Variants in LEPR observed in about 807,000 individuals in gnomAD.
LEPR encodes the protein leptin receptor.
Under a neutral mutation model 114.7 loss-of-function variants are expected in LEPR, and 56 were observed. The ratio of observed to expected loss-of-function variants is 0.49; its 90% confidence interval spans 0.39 to 0.61. The LOEUF is 0.61. Among genes scored for constraint, LEPR ranks in the 20% least tolerant of loss-of-function variants. The pLI is 0.00. For missense variants in LEPR, 1,202 were observed against 1,352.9 expected (o/e 0.89, Z 1.75); for synonymous variants, 443 against 461.4 (o/e 0.96, Z 0.51).
chr1:65,436,797 T>G (rs1279591920), intron 2 of LEPR, among the ~76,000 whole-genome samples: 1 of 152,104 alleles, frequency 6.6e-6, no homozygotes, highest in African/African-American at 2.4e-5. Flanking sequence ...AGATATTAAC[T>G]TAAGTGTGTG....
rs759503305 is a variant in LEPR, at chr1:65,596,466, T to C, written c.722T>C (p.Leu241Ser). Residue 241 changes from leucine (L) to serine (S), a missense_variant, in exon 7 of 20, where the codon TTA (leucine) becomes TCA (serine). Coordinates refer to ENST00000349533, the MANE Select transcript of LEPR (RefSeq NM_002303.6). ...CCTTAAGTGAAGCCTGATCCACCAT[T>C]AGGTTTGCATATGGAAATCACAGAT... is the stretch of plus-strand genomic sequence containing the variant. ...PINMVKPDPP[L>S]GLHMEITDDG... The C allele has an allele frequency of 6.2e-7, 1 of 1,612,784 alleles. No individual in the cohort carries two copies. The highest frequency in any genetic ancestry group is 1.1e-5 in the South Asian group (1 of 91,056).
intron 2 of LEPR, among the ~76,000 whole-genome samples, chr1:65,456,172 G>C (rs986069358): frequency 6.6e-6 from 1 of 151,922 alleles, no homozygotes; most frequent in African/African-American, 2.4e-5. Flanking sequence ...ATTGACCTGC[G>C]CCCACTGTCT....
rs150017501 is a variant in LEPR, at chr1:65,492,633, A to G, written c.-21+67255A>G. 2.5e-3 allele frequency among the ~76,000 whole-genome samples: 384 copies of G among 152,124 alleles called. 3 individuals carry two copies. Among genetic ancestry groups the G allele is most frequent in the African/African-American group, 8.6e-3 (356 of 41,536 alleles). ...CCTGAGATATCCTAATAGTGTGGCC[A>G]TAGTCTTCTTTCTAGGGTTACTTCA... On this transcript the variant is annotated intron_variant, in intron 2 of 19. Transcript: ENST00000349533.
chr1:65,570,599 A>C lies in LEPR; in HGVS notation c.167A>C (p.Asn56Thr). Residue 56 changes from asparagine (N) to threonine (T), a missense_variant, in exon 4 of 20, where the codon AAT (asparagine) becomes ACT (threonine). Physicochemically the swap from Asn to Thr is moderately conservative, Grantham distance 65. Coordinates refer to ENST00000349533, the MANE Select transcript of LEPR (RefSeq NM_002303.6). Reference protein sequence around the residue: ...YFLLPAGLSKNTSNSNGHYET... With the variant: ...YFLLPAGLSKTTSNSNGHYET... ...CTTTTGCCTGCTGGACTCTCAAAGA[A>C]TACTTCAAATTCGAATGGACATTAT... 6 of 1,614,004 alleles carry C rather than the reference A, an allele frequency of 3.7e-6. No homozygotes were observed. Among genetic ancestry groups the C allele is most frequent in the Non-Finnish European group, 5.1e-6 (6 of 1,179,936 alleles).
At chr1:65,554,142 G>A (rs1652639339) in intron 2 of LEPR, among the ~76,000 whole-genome samples, 2 of 152,152 alleles carry the variant, frequency 1.3e-5, no homozygotes. Flanking sequence ...GGTGTCTGTT[G>A]ACCCCTGCTG....
At chr1:65,502,279 G>A (rs568187820) in intron 2 of LEPR, among the ~76,000 whole-genome samples, 30 of 152,200 alleles carry the variant, frequency 2.0e-4, no homozygotes, top group South Asian at 6.2e-4. Context: ...AGGTATGTGT[G>A]CACCCAGAGG....
In LEPR at chr1:65,572,385, G is replaced by T. The variant is rs147667928; in HGVS notation, c.430G>T (p.Val144Leu). 532 of 1,444,344 alleles carry T rather than the reference G, an allele frequency of 3.7e-4. No homozygotes were observed. Among genetic ancestry groups the T allele is most frequent in the Non-Finnish European group, 4.5e-4 (484 of 1,076,626 alleles). The allele number at this position is 1,444,344 out of a possible 1,614,324, so 89.5% of individuals were successfully genotyped here. A position where few individuals can be genotyped will look rare whatever the true frequency, so the allele number is the denominator to read the frequency against. The change falls in exon 5 of 20, where the codon GTG (valine) becomes TTG (leucine). Residue 144 changes from valine (V) to leucine (L), a missense_variant. By Grantham distance (32) the Val-to-Leu change is conservative. Transcript: ENST00000349533. ...AGACTTAAAATTATTCATCTGTTAT[G>T]TGGAGTCATTATTTAAGAATCTATT... is the stretch of plus-strand genomic sequence containing the variant. ...KGDLKLFICY[V>L]ESLFKNLFRN... is the part of the protein sequence containing the mutation.
Position 65,610,283 on chromosome 1 carries a change from C to G in LEPR, c.1982C>G (p.Thr661Ser). 8 of 1,612,440 alleles carry G rather than the reference C, an allele frequency of 5.0e-6. No individual in the cohort carries two copies. Among genetic ancestry groups the G allele is most frequent in the Non-Finnish European group, 6.8e-6 (8 of 1,178,908 alleles). The change falls in exon 14 of 20, where the codon ACT becomes AGT. Residue 661 changes from threonine (T) to serine (S), a missense_variant. Coordinates refer to ENST00000349533, the MANE Select transcript of LEPR (RefSeq NM_002303.6). Reference sequence around the variant, plus strand: ...ACTATGAAAAAGGAGAAAAATGTCACTTTACTTTGGAAGGTATTCCCAATT... The same window carrying G: ...ACTATGAAAAAGGAGAAAAATGTCAGTTTACTTTGGAAGGTATTCCCAATT... ...GDTMKKEKNV[T>S]LLWKPLMKND...
At chr1:65,446,797 T>C (rs1192588270) in intron 2 of LEPR, among the ~76,000 whole-genome samples, 1 of 152,194 alleles carries the variant, frequency 6.6e-6, no homozygotes, top group Non-Finnish European at 1.5e-5. Flanking sequence ...ATCCTTAGCA[T>C]CTTTGGAAGA....
chr1:65,554,018 T>A (rs1050477348), intron 2 of LEPR, among the ~76,000 whole-genome samples: 3 of 152,198 alleles, frequency 2.0e-5, no homozygotes, highest in Admixed American at 6.5e-5. Flanking sequence ...CCTGTTTGCC[T>A]GGGTATCACC....
intron 2 of LEPR, among the ~76,000 whole-genome samples, chr1:65,456,467 T>C (rs1355450472): frequency 6.6e-6 from 1 of 152,174 alleles, no homozygotes. Context: ...GCAGTTCTGA[T>C]GTTTTTGCCT....
chr1:65,431,324 G>T (rs1646480777), intron 2 of LEPR, among the ~76,000 whole-genome samples: 1 of 152,136 alleles, frequency 6.6e-6, no homozygotes. Flanking sequence ...ATGTGCTTCT[G>T]TAAAACCATC....
chr1:65,452,992 C>T (rs910134284), intron 2 of LEPR, among the ~76,000 whole-genome samples: 3 of 152,120 alleles, frequency 2.0e-5, no homozygotes, highest in African/African-American at 7.2e-5. Context: ...TCAACTTCTT[C>T]CTGGTTTAGT....
intron 9 of LEPR, 46 bp from the exon 10 acceptor site, chr1:65,601,797 T>G (rs776770936): frequency 3.2e-6 from 5 of 1,582,030 alleles, no homozygotes; most frequent in Non-Finnish European, 4.3e-6. Context: ...CATTGAATTT[T>G]TTGGAGTTTT....
intron 2 of LEPR, among the ~76,000 whole-genome samples, chr1:65,447,317 C>G (rs1288135352): frequency 6.6e-6 from 1 of 152,024 alleles, no homozygotes; most frequent in African/African-American, 2.4e-5. Flanking sequence ...TTCCTTCCTT[C>G]CTTGTATATT....
At chr1:65,510,936 G>A in intron 2 of LEPR, among the ~76,000 whole-genome samples, 1 of 152,146 alleles carries the variant, frequency 6.6e-6, no homozygotes, top group African/African-American at 2.4e-5. Context: ...CATCTCTGAG[G>A]ACTGAACCCT....
At chr1:65,430,695 A>G (rs912669074) in intron 2 of LEPR, among the ~76,000 whole-genome samples, 3 of 152,210 alleles carry the variant, frequency 2.0e-5, no homozygotes, top group African/African-American at 7.2e-5. Context: ...AGTCTTGTTC[A>G]TTCAATAAAT....
chr1:65,498,640 G>C (rs1426954272), intron 2 of LEPR, among the ~76,000 whole-genome samples: 1 of 151,896 alleles, frequency 6.6e-6, no homozygotes, highest in East Asian at 1.9e-4. Context: ...AAGAAGGAAA[G>C]GCATTTATTT....
At chr1:65,582,758 T>G (rs915708660) in intron 5 of LEPR, among the ~76,000 whole-genome samples, 1 of 152,196 alleles carries the variant, frequency 6.6e-6, no homozygotes, top group African/African-American at 2.4e-5. Flanking sequence ...ACTCAAGGAC[T>G]TTCTTGCCAT....
Sources: allele counts gnomAD v4.1 joint callset (sites outside exome capture counted in the v4.1 genomes callset), GRCh38; gene constraint gnomAD v4.1.1; transcripts MANE v1.5; gene names NCBI Gene and HGNC (gene_info 2026-07-23, HGNC 2026-07-21).